Variants in LIMA1 observed in about 807,000 individuals in gnomAD.
The protein encoded by LIMA1 is LIM domain and actin-binding protein 1.
Under a neutral mutation model 62.6 loss-of-function variants are expected in LIMA1, and 52 were observed. The observed-to-expected ratio is 0.83, with a 90% CI of 0.67 to 1.05. The LOEUF is 1.05. Among genes scored for constraint, LIMA1 ranks in the 50% least tolerant of loss-of-function variants. The pLI is 0.00. For missense variants in LIMA1, 780 were observed against 902.2 expected (o/e 0.86, Z 1.74); for synonymous variants, 302 against 317.8 (o/e 0.95, Z 0.53).
At chr12:50,242,585 T>G (rs1941793598) in intron 2 of LIMA1, among the ~76,000 whole-genome samples, 2 of 152,206 alleles carry the variant, frequency 1.3e-5, no homozygotes, top group African/African-American at 4.8e-5. Flanking sequence ...ATCTTCATGC[T>G]GTGATCATCA....
At position 50,205,992 on chromosome 12, in the gene LIMA1, A is replaced by G. The variant is rs372820964; in HGVS notation, c.707T>C (p.Ile236Thr). 14 of 1,611,106 alleles carry G rather than the reference A, an allele frequency of 8.7e-6. No individual in the cohort carries two copies. Among genetic ancestry groups the G allele is most frequent in the Admixed American group, 1.7e-5 (1 of 59,928 alleles). The change falls in exon 5 of 11, where the codon ATA (isoleucine) becomes ACA (threonine). Residue 236 changes from isoleucine to threonine, a missense_variant. Coordinates refer to ENST00000341247, the MANE Select transcript of LIMA1 (RefSeq NM_016357.5). ...ENSYSLDDLE[I>T]GPGQLSSSTF... ...TGGAACTCTCTGCTTACCTGGGCCT[A>G]TTTCCAGGTCATCTAGAGAATAGCT...
At position 50,182,160 on chromosome 12, in the gene LIMA1, A is replaced by C. The variant is rs192622836; in HGVS notation, c.1141-123T>G. 19 of 1,002,946 alleles carry C rather than the reference A, an allele frequency of 1.9e-5. No individual in the cohort carries two copies. The East Asian group carries it at 4.1e-4, about 22-fold the overall frequency. The allele number at this position is 1,002,946 out of a possible 1,614,324, so 62.1% of individuals were successfully genotyped here. ...GCTGGTCAGTCAATTCTCATGGAGC[A>C]CTAAACCTGCTACAATTCTATCAGC... is the stretch of plus-strand genomic sequence containing the variant. On this transcript the variant is annotated intron_variant, in intron 9 of 10. Transcript: ENST00000341247.
chr12:50,218,669 G>A (rs567784539), intron 4 of LIMA1, among the ~76,000 whole-genome samples: 23 of 152,182 alleles, frequency 1.5e-4, no homozygotes, highest in African/African-American at 5.3e-4. Context: ...AGCTTGGGAG[G>A]CCAAGGCAGG....
At chr12:50,224,979 T>C (rs1941504782) in intron 3 of LIMA1, among the ~76,000 whole-genome samples, 1 of 149,304 alleles carries the variant, frequency 6.7e-6, no homozygotes, top group Non-Finnish European at 1.5e-5. Context: ...CTCGGCTCAC[T>C]GCAACCTCGG....
chr12:50,221,124 T>G (rs1280557588), intron 4 of LIMA1, among the ~76,000 whole-genome samples: 2 of 152,136 alleles, frequency 1.3e-5, no homozygotes, highest in Non-Finnish European at 2.9e-5. Flanking sequence ...CATAGGGACT[T>G]GGGCCAAATA....
intron 4 of LIMA1, 108 bp from the exon 5 acceptor site, chr12:50,206,176 A>G: frequency 5.1e-6 from 4 of 788,618 alleles, no homozygotes; most frequent in Non-Finnish European, 7.9e-6. Flanking sequence ...TTGATTTTAT[A>G]TTTTATATTC....
At chr12:50,228,613 C>T (rs1001165086) in intron 3 of LIMA1, among the ~76,000 whole-genome samples, 2 of 152,186 alleles carry the variant, frequency 1.3e-5, no homozygotes, top group Non-Finnish European at 2.9e-5. Flanking sequence ...ATATCATGCA[C>T]CTCATAGCTT....
At chr12:50,236,313 TTTG>T in intron 2 of LIMA1, among the ~76,000 whole-genome samples, 1 of 150,402 alleles carries the variant, frequency 6.6e-6, no homozygotes. Flanking sequence ...TTTTTTTTTT[TTTG>T]ACATGGAGTC....
chr12:50,186,588 G>C (rs1010523134), intron 9 of LIMA1: 1 of 152,272 alleles, frequency 6.6e-6, no homozygotes, highest in Non-Finnish European at 1.5e-5. Flanking sequence ...TTATCCAATC[G>C]CTCCAGTGAT....
intron 3 of LIMA1, among the ~76,000 whole-genome samples, chr12:50,224,737 AT>A (rs923731876): frequency 1.3e-5 from 2 of 151,092 alleles, no homozygotes; most frequent in South Asian, 2.1e-4. Flanking sequence ...TCCTATTTTA[AT>A]TTTTTTTTAG....
At chr12:50,259,059 A>C (rs938905283) in intron 1 of LIMA1, among the ~76,000 whole-genome samples, 11 of 152,206 alleles carry the variant, frequency 7.2e-5, no homozygotes, top group African/African-American at 2.7e-4. Context: ...TTTCTCTGAT[A>C]GTAAAAAGCC....
At chr12:50,256,305 A>T (rs1941996870) in intron 1 of LIMA1, 1 of 151,932 alleles carries the variant, frequency 6.6e-6, no homozygotes, top group Non-Finnish European at 1.5e-5. Context: ...TCTTCTCTGT[A>T]TCATTTCAAC....
intron 4 of LIMA1, among the ~76,000 whole-genome samples, chr12:50,207,745 C>T (rs573998430): frequency 6.6e-6 from 1 of 151,914 alleles, no homozygotes; most frequent in Admixed American, 6.6e-5. Flanking sequence ...AAAAAATTAG[C>T]CAGGTGTGGT....
intron 7 of LIMA1, among the ~76,000 whole-genome samples, chr12:50,199,195 G>T (rs923994075): frequency 3.9e-5 from 6 of 152,154 alleles, no homozygotes; most frequent in Non-Finnish European, 8.8e-5. Flanking sequence ...GCCAGGCATG[G>T]TGGCACGTAC....
chr12:50,202,562 C>T (rs1187272247), intron 6 of LIMA1, among the ~76,000 whole-genome samples: 1 of 152,192 alleles, frequency 6.6e-6, no homozygotes, highest in African/African-American at 2.4e-5. Context: ...TCTAAATTTG[C>T]TCGCTTTTCA....
At chr12:50,182,920 T>C (rs975989781) in intron 9 of LIMA1, among the ~76,000 whole-genome samples, 4 of 152,174 alleles carry the variant, frequency 2.6e-5, no homozygotes, top group Admixed American at 6.5e-5. Context: ...AATAGTTACA[T>C]GGGCCAGGTG....
chr12:50,178,963 TATA>T (rs1565825131), intron 10 of LIMA1, among the ~76,000 whole-genome samples: 4 of 100,982 alleles, frequency 4.0e-5, no homozygotes, highest in East Asian at 6.9e-4. Flanking sequence ...TATATATATA[TATA>T]TTTTTTTTTT....
intron 1 of LIMA1, among the ~76,000 whole-genome samples, chr12:50,263,857 GTATAT>G (rs1942105046): frequency 8.0e-6 from 1 of 125,684 alleles, no homozygotes; most frequent in Non-Finnish European, 1.6e-5. Context: ...TATATAGAGA[GTATAT>G]ATATATATAT....
At chr12:50,250,563 C>CAA (rs754126420) in intron 1 of LIMA1, among the ~76,000 whole-genome samples, 2,197 of 32,262 alleles carry the variant, frequency 0.068, 245 homozygotes, top group African/African-American at 0.15. Flanking sequence ...AAGATGTTCT[C>CAA]AAAAAAAAAA....
Sources: gnomAD v4.1 joint callset for allele counts (sites outside exome capture counted in the v4.1 genomes callset) on GRCh38, gnomAD v4.1.1 for gene constraint, MANE v1.5 for transcripts, NCBI Gene and HGNC (gene_info 2026-07-23, HGNC 2026-07-21) for gene names.